The following COL4A2 variants were observed in gnomAD, a reference collection of about 807,000 sequenced individuals.
COL4A2 encodes collagen type IV alpha 2 chain, also known as collagen alpha-2(IV) chain.
A neutral mutation model predicts 200.2 loss-of-function variants in COL4A2; 99 were observed. The ratio of observed to expected loss-of-function variants is 0.49; its 90% CI spans 0.42 to 0.58. The LOEUF is 0.58. Among genes scored for constraint, COL4A2 ranks in the 20% least tolerant of loss-of-function variants. The probability of loss-of-function intolerance (pLI) is 0.00; values close to 1 mark genes in which losing one functional copy is unlikely to be tolerated. For missense variants in COL4A2, 1,950 were observed against 2,314.1 expected, an observed-to-expected ratio of 0.84 and a Z score of 3.23; for synonymous variants, 897 against 900.6, an observed-to-expected ratio of 1.00 and a Z score of 0.07.
chr13:110,464,328 G>T (rs368724477), intron 24 of COL4A2, among the ~76,000 whole-genome samples: 1 of 152,176 alleles, frequency 6.6e-6, no homozygotes, highest in African/African-American at 2.4e-5. Flanking sequence ...TCCCATTCTC[G>T]GGGTGTAGGG....
At chr13:110,486,794 A>G (rs1390300224) in intron 34 of COL4A2, among the ~76,000 whole-genome samples, 2 of 152,170 alleles carry the variant, frequency 1.3e-5, no homozygotes, top group African/African-American at 4.8e-5. Context: ...GGGGGTCACA[A>G]GGTGCTCAGT....
intron 34 of COL4A2, among the ~76,000 whole-genome samples, chr13:110,487,409 C>T (rs1463939977): frequency 6.6e-6 from 1 of 152,150 alleles, no homozygotes; most frequent in Non-Finnish European, 1.5e-5. Context: ...GCCGAGATTG[C>T]GCCGTTGCAC....
intron 46 of COL4A2, 58 bp downstream of exon 46, chr13:110,506,664 A>G: frequency 6.7e-7 from 1 of 1,494,764 alleles, no homozygotes; most frequent in Non-Finnish European, 9.0e-7. Context: ...GAAGTGGCCA[A>G]GATCAAAGGG....
At position 110,470,490 on chromosome 13, in the gene COL4A2, C is replaced by T. The variant is rs535666016; in HGVS notation, c.2203+1166C>T. On this transcript the variant is annotated intron_variant, in intron 28 of 47. Coordinates refer to ENST00000360467, the MANE Select transcript of COL4A2 (RefSeq NM_001846.4). ...TCATAACCACACACCCTGAGAGAGG[C>T]GGCCACATCTCCCACAGACGTCTCA... 2.4e-4 allele frequency among the ~76,000 whole-genome samples: 36 copies of T among 152,280 alleles called. No individual in the cohort carries two copies. The East Asian group carries it at 6.0e-3, about 25-fold the overall frequency.
At chr13:110,501,589 G>C in intron 40 of COL4A2, 79 bp from the exon 41 acceptor site, 1 of 1,217,652 alleles carries the variant, frequency 8.2e-7, no homozygotes, top group Non-Finnish European at 1.2e-6. Flanking sequence ...CACCACAGGT[G>C]ATGGTGTGGA....
intron 46 of COL4A2, chr13:110,507,355 CAG>C (rs1487001817): frequency 6.5e-6 from 1 of 153,902 alleles, no homozygotes; most frequent in Non-Finnish European, 1.4e-5. Flanking sequence ...GATCTAGGAA[CAG>C]GGCCAAGGAG....
chr13:110,419,721 C>T (rs910699628), intron 4 of COL4A2, among the ~76,000 whole-genome samples: 1 of 152,244 alleles, frequency 6.6e-6, no homozygotes, highest in Non-Finnish European at 1.5e-5. Flanking sequence ...CCCATGTGCG[C>T]ACCAGCCATG....
At chr13:110,462,418 CTCT>C in intron 24 of COL4A2, 34 bp downstream of exon 24, 2 of 1,604,512 alleles carry the variant, frequency 1.2e-6, no homozygotes, top group East Asian at 4.5e-5. Flanking sequence ...GCTCCGTCCT[CTCT>C]TCTTCATCCT....
At chr13:110,449,466 C>G (rs980969043) in intron 18 of COL4A2, among the ~76,000 whole-genome samples, 3 of 152,214 alleles carry the variant, frequency 2.0e-5, no homozygotes, top group Non-Finnish European at 2.9e-5. Flanking sequence ...TCACCTACTT[C>G]CTCACCCGGT....
intron 20 of COL4A2, among the ~76,000 whole-genome samples, chr13:110,453,243 G>C (rs922298329): frequency 6.6e-6 from 1 of 152,108 alleles, no homozygotes; most frequent in Non-Finnish European, 1.5e-5. Context: ...GCTCACACCT[G>C]TAATCCCAGC....
At position 110,421,073 on chromosome 13, in the gene COL4A2, C is replaced by CA. The variant is rs201907296; in HGVS notation, c.181-3655dup. ...GACACTTACTAGAATGGCTATAGCC[C>CA]AAAAAATGGAAAATCACAGGTATTG... On this transcript the variant is annotated intron_variant, in intron 4 of 47. Coordinates refer to ENST00000360467, the MANE Select transcript of COL4A2 (RefSeq NM_001846.4). 7.5e-3 allele frequency among the ~76,000 whole-genome samples: 1,136 copies of CA among 152,206 alleles called. 15 individuals are homozygous for CA. Among genetic ancestry groups the CA allele is most frequent in the African/African-American group, 0.025 (1,018 of 41,522 alleles).
At chr13:110,450,892 A>C (rs1221779729) in intron 20 of COL4A2, among the ~76,000 whole-genome samples, 1 of 152,184 alleles carries the variant, frequency 6.6e-6, no homozygotes, top group African/African-American at 2.4e-5. Context: ...CATCACGTTT[A>C]AGCCACCTTG....
intron 43 of COL4A2, 82 bp from the exon 44 acceptor site, chr13:110,503,765 T>C: frequency 6.5e-7 from 1 of 1,542,024 alleles, no homozygotes; most frequent in African/African-American, 1.4e-5. Flanking sequence ...GAAGCCTCCC[T>C]GGTGAGAAAC....
chr13:110,387,571 C>T (rs1021185115), intron 4 of COL4A2, among the ~76,000 whole-genome samples: 3 of 152,238 alleles, frequency 2.0e-5, no homozygotes, highest in East Asian at 3.8e-4. Flanking sequence ...GCCCAGCAGT[C>T]GGGGGCCCCG....
chr13:110,466,270 C>G (rs1473799098), intron 26 of COL4A2, among the ~76,000 whole-genome samples: 2 of 152,190 alleles, frequency 1.3e-5, no homozygotes, highest in African/African-American at 4.8e-5. Flanking sequence ...TTAACCAAAC[C>G]CCTCTTGTCA....
intron 4 of COL4A2, among the ~76,000 whole-genome samples, chr13:110,377,091 C>T (rs1878267531): frequency 6.6e-6 from 1 of 151,516 alleles, no homozygotes; most frequent in African/African-American, 2.4e-5. Flanking sequence ...ATTATCCCAC[C>T]AGCTTAGACT....
rs1882957259 is a variant in COL4A2, at chr13:110,482,183, G to A, written c.2759-333G>A. ...AGTGTTACTGCTGCCTTCCTTTCCA[G>A]CGTGCTCCTCTGCCTTTGTCTTGAT... On this transcript the variant is annotated intron_variant, in intron 31 of 47. Transcript: ENST00000360467. Among the ~76,000 whole-genome samples the A allele has an allele frequency of 2.0e-5, 3 of 152,226 alleles. No individual in the cohort carries two copies. In the South Asian group the frequency reaches 6.2e-4, roughly 31 times the overall value.
At chr13:110,314,837 A>G (rs1215335668) in intron 3 of COL4A2, among the ~76,000 whole-genome samples, 2 of 152,214 alleles carry the variant, frequency 1.3e-5, no homozygotes, top group Admixed American at 6.5e-5. Context: ...CATGGGCCAC[A>G]GGGACGGGCA....
chr13:110,455,335 C>T (rs973061300), intron 20 of COL4A2, among the ~76,000 whole-genome samples: 3 of 152,138 alleles, frequency 2.0e-5, no homozygotes, highest in African/African-American at 7.2e-5. Flanking sequence ...AAACCCTGTC[C>T]TCACTCTGGA....
Sources: allele counts gnomAD v4.1 joint callset (sites outside exome capture counted in the v4.1 genomes callset), GRCh38; gene constraint gnomAD v4.1.1; transcripts MANE v1.5; gene names NCBI Gene and HGNC (gene_info 2026-07-23, HGNC 2026-07-21).